Variants in PLK4 observed in about 807,000 individuals in gnomAD.
PLK4 encodes the protein serine/threonine-protein kinase PLK4.
A neutral mutation model predicts 103.0 loss-of-function variants in PLK4; 51 were observed. The ratio of observed to expected loss-of-function variants is 0.50; its 90% CI spans 0.40 to 0.63. The LOEUF (loss-of-function observed/expected upper bound fraction) is 0.63, where lower values mean the gene tolerates loss of function less well. Ranked by LOEUF, PLK4 falls within the 20% of genes least tolerant of loss-of-function variation. The pLI, the probability that PLK4 is intolerant of heterozygous loss-of-function variation, is 0.00. For synonymous variants in PLK4, 389 were observed against 376.8 expected, an observed-to-expected ratio of 1.03 and a Z score of -0.38; for missense variants, 1,054 against 1,151.0, an observed-to-expected ratio of 0.92 and a Z score of 1.22.
chr4:127,895,884 C>G (rs1365873110), intron 14 of PLK4, among the ~76,000 whole-genome samples: 1 of 152,106 alleles, frequency 6.6e-6, no homozygotes, highest in African/African-American at 2.4e-5. Flanking sequence ...GGCAACAAAG[C>G]AAGACCCCAT....
intron 12 of PLK4, 30 bp downstream of exon 12, chr4:127,893,634 CTAAAATGTTT>C: frequency 3.2e-6 from 5 of 1,579,144 alleles, no homozygotes; most frequent in Non-Finnish European, 4.3e-6. Context: ...AAACATATGG[CTAAAATGTTT>C]TAAAAGTTTG....
At chr4:127,891,067 G>C in intron 7 of PLK4, 25 bp from the exon 8 acceptor site, 1 of 1,246,808 alleles carries the variant, frequency 8.0e-7, no homozygotes, top group Non-Finnish European at 1.1e-6. Flanking sequence ...AATTATTACT[G>C]ATTTTGGGTT....
In PLK4 at chr4:127,891,215, A is replaced by G. The variant is rs1487224967; in HGVS notation, c.1935+19A>G. 8.5e-7 allele frequency: 1 copy of G among 1,170,062 alleles called. No individual in the cohort carries two copies. Among genetic ancestry groups the G allele is most frequent in the African/African-American group, 1.5e-5 (1 of 64,994 alleles). The allele number at this position is 1,170,062 out of a possible 1,614,324, so 72.5% of individuals were successfully genotyped here. A position where few individuals can be genotyped will look rare whatever the true frequency, so the allele number is the denominator to read the frequency against. On this transcript the variant is annotated intron_variant, in intron 8 of 15. Transcript: ENST00000270861. ...AAATACGGTAATGTGTAGTTACTTT[A>G]TTACCTTGCAACTTCAAATTATCGT...
rs1734896639 is a variant in PLK4 at position 127,881,075 on chromosome 4, G to A, written c.-60G>A. 2 of 1,597,092 alleles carry A rather than the reference G, an allele frequency of 1.3e-6. No individual in the cohort carries two copies. Among genetic ancestry groups the A allele is most frequent in the African/African-American group, 2.7e-5 (2 of 74,634 alleles). The stretch of plus-strand genomic sequence containing the variant: ...AGGCCGGCTGGCTGCTTGGAGCGCT[G>A]CCTCGAAGGGACTGCGTGAAGGAAG... On this transcript the variant is annotated 5_prime_UTR_variant, in exon 1 of 16. Transcript: ENST00000270861.
intron 7 of PLK4, among the ~76,000 whole-genome samples, chr4:127,890,470 T>C (rs1735314095): frequency 6.6e-6 from 1 of 152,170 alleles, no homozygotes. Flanking sequence ...ATTATTAATT[T>C]AAAGTAGATT....
intron 1 of PLK4, chr4:127,881,442 G>T: frequency 7.4e-7 from 1 of 1,343,206 alleles, no homozygotes; most frequent in South Asian, 1.6e-5. Flanking sequence ...CCGAGCTACC[G>T]CGTTAGAGCA....
Position 127,886,095 on chromosome 4 carries a change from T to C in PLK4, c.725T>C (p.Ile242Thr). The change falls in exon 5 of 16, where the codon ATT (isoleucine) becomes ACT (threonine). Residue 242 changes from isoleucine (I) to threonine (T), a missense_variant. Ile to Thr is a moderately conservative substitution (Grantham distance 89, BLOSUM62 -1). Coordinates refer to ENST00000270861, the MANE Select transcript of PLK4 (RefSeq NM_014264.5). The stretch of plus-strand genomic sequence containing the variant: ...TTGTCAATAGAGGCCAAGGACCTTA[T>C]TCACCAGTTACTTCGTAGAAATCCA... ...SFLSIEAKDL[I>T]HQLLRRNPAD... The C allele has an allele frequency of 3.7e-6, 6 of 1,614,238 alleles. No individual in the cohort carries two copies. The highest frequency in any genetic ancestry group is 4.2e-6 in the Non-Finnish European group (5 of 1,180,030).
intron 14 of PLK4, among the ~76,000 whole-genome samples, 189 bp from the exon 15 acceptor site, chr4:127,896,612 C>T (rs1735573529): frequency 6.6e-6 from 1 of 151,988 alleles, no homozygotes; most frequent in Admixed American, 6.6e-5. Flanking sequence ...ATTCTCAGTG[C>T]TCTGCCATCG....
In PLK4 at chr4:127,893,619, A is replaced by C. The variant is rs1308308655; in HGVS notation, c.2414+15A>C. On this transcript the variant is annotated intron_variant, in intron 12 of 15. Transcript: ENST00000270861. ...ATCATAGGAAGGTAAATGTCTGAAAATTTTAAACATATGGCTAAAATGTTT... is the reference window on the plus strand; with the variant it reads ...ATCATAGGAAGGTAAATGTCTGAAACTTTTAAACATATGGCTAAAATGTTT... The C allele has an allele frequency of 6.3e-7, 1 of 1,594,396 alleles. No individual in the cohort carries two copies. The highest frequency in any genetic ancestry group is 8.6e-7 in the Non-Finnish European group (1 of 1,168,198).
chr4:127,891,159 T>G lies in PLK4; in HGVS notation c.1898T>G (p.Val633Gly). The G allele has an allele frequency of 6.3e-7, 1 of 1,591,378 alleles. No homozygotes were observed. Among genetic ancestry groups the G allele is most frequent in the Non-Finnish European group, 8.6e-7 (1 of 1,162,486 alleles). ...AAGGAGTATGCATCTCAAGAATATGTGAAAGAAGTTCTTCAGATATCTAGT... is the reference window on the plus strand; with the variant it reads ...AAGGAGTATGCATCTCAAGAATATGGGAAAGAAGTTCTTCAGATATCTAGT... ...LVKEYASQEY[V>G]KEVLQISSDG... is the part of the protein sequence containing the mutation. The change falls in exon 8 of 16, where the codon GTG becomes GGG. Residue 633 changes from valine to glycine, a missense_variant. By Grantham distance (109) the Val-to-Gly change is moderately radical. Around this residue, in one of 4 missense-constraint regions of PLK4, gnomAD observed 680 missense variants for 660.3 expected, o/e 1.03. Transcript: ENST00000270861.
chr4:127,896,979 A>G, intron 15 of PLK4, 72 bp downstream of exon 15: 1 of 756,094 alleles, frequency 1.3e-6, no homozygotes, highest in Non-Finnish European at 2.3e-6. Context: ...GTTGAAATGG[A>G]TGATTTAATA....
intron 4 of PLK4, among the ~76,000 whole-genome samples, chr4:127,885,466 A>G (rs890779641): frequency 6.8e-6 from 1 of 147,684 alleles, no homozygotes. Flanking sequence ...GGGACACAGC[A>G]AGACTCCGTC....
In PLK4 at chr4:127,893,850, C is replaced by T. The variant is rs763395766; in HGVS notation, c.2531C>T (p.Ser844Phe). The change falls in exon 13 of 16, where the codon TCT becomes TTT. Residue 844 changes from serine to phenylalanine, a missense_variant. Around this residue, in one of 4 missense-constraint regions of PLK4, gnomAD observed 167 missense variants for 200.7 expected, o/e 0.83. Coordinates refer to ENST00000270861, the MANE Select transcript of PLK4 (RefSeq NM_014264.5). ...FNRMVMHSAA[S>F]PTQAPILNPS... ...AGAATGGTCATGCATAGTGCTGCTTCTCCAACACAGGCACCAATCCTTAAT... is the reference window on the plus strand; with the variant it reads ...AGAATGGTCATGCATAGTGCTGCTTTTCCAACACAGGCACCAATCCTTAAT... 1.3e-6 allele frequency: 2 copies of T among 1,599,966 alleles called. No homozygotes were observed. Among genetic ancestry groups the T allele is most frequent in the African/African-American group, 1.3e-5 (1 of 74,728 alleles).
intron 2 of PLK4, among the ~76,000 whole-genome samples, chr4:127,882,469 A>G (rs1734966663): frequency 6.6e-6 from 1 of 152,156 alleles, no homozygotes; most frequent in Non-Finnish European, 1.5e-5. Flanking sequence ...AAATACAAAA[A>G]TTAGCTGCTG....
intron 4 of PLK4, among the ~76,000 whole-genome samples, chr4:127,884,592 T>C (rs1735047418): frequency 6.6e-6 from 1 of 152,092 alleles, no homozygotes; most frequent in African/African-American, 2.4e-5. Context: ...TCACCTGAGG[T>C]CAGGAGTTCG....
chr4:127,891,735 G>C, intron 9 of PLK4, 54 bp downstream of exon 9: 1 of 591,586 alleles, frequency 1.7e-6, no homozygotes, highest in East Asian at 2.9e-5. Context: ...ATGTATATAC[G>C]TATAAACTCT....
At chr4:127,892,927 ATCTAT>A (rs1246277699) in intron 10 of PLK4, among the ~76,000 whole-genome samples, 1 of 152,076 alleles carries the variant, frequency 6.6e-6, no homozygotes, top group African/African-American at 2.4e-5. Flanking sequence ...TATTTTCTAA[ATCTAT>A]TCTATAAAGA....
rs1734894845 is a variant in PLK4, at chr4:127,881,031, C to T, written c.-104C>T. Reference sequence around the variant, plus strand: ...TCGCCTGGAGCGGCGGTTTAGAGAGCCGAGCCTGATGGGCGCCAAGGCCGG... The same window carrying T: ...TCGCCTGGAGCGGCGGTTTAGAGAGTCGAGCCTGATGGGCGCCAAGGCCGG... On this transcript the variant is annotated 5_prime_UTR_variant, in exon 1 of 16. Coordinates refer to ENST00000270861, the MANE Select transcript of PLK4 (RefSeq NM_014264.5). The T allele has an allele frequency of 1.5e-6, 2 of 1,347,322 alleles. No homozygotes were observed. The highest frequency in any genetic ancestry group is 2.1e-6 in the Non-Finnish European group (2 of 949,116). 83.5% of individuals were successfully genotyped at this position (1,347,322 alleles called of 1,614,324 possible). A position where few individuals can be genotyped will look rare whatever the true frequency, so the allele number is the denominator to read the frequency against.
chr4:127,884,949 C>T (rs1735063150), intron 4 of PLK4, among the ~76,000 whole-genome samples: 1 of 151,548 alleles, frequency 6.6e-6, no homozygotes, highest in African/African-American at 2.4e-5. Context: ...AAAAAAAAAG[C>T]TTACAAATTG....
Sources: allele counts gnomAD v4.1 joint callset (sites outside exome capture counted in the v4.1 genomes callset), GRCh38; gene constraint gnomAD v4.1.1; regional missense constraint gnomAD v4.1.1; transcripts MANE v1.5; gene names NCBI Gene and HGNC (gene_info 2026-07-23, HGNC 2026-07-21).